KCNMA1: variants seen among roughly 807,000 people sequenced by gnomAD.
KCNMA1 encodes the protein potassium calcium-activated channel subfamily M alpha 1.
In KCNMA1, 29 loss-of-function variants were observed where a neutral mutation model predicts 140.0. The ratio of observed to expected loss-of-function variants is 0.21; its 90% CI spans 0.15 to 0.28. The LOEUF (loss-of-function observed/expected upper bound fraction) is 0.28, where lower values mean the gene tolerates loss of function less well. Among genes scored for constraint, KCNMA1 ranks in the 10% least tolerant of loss-of-function variants. The pLI is 1.00. For synonymous variants in KCNMA1, 612 were observed against 611.9 expected, an observed-to-expected ratio of 1.00 and a Z score of 0.00; for missense variants, 880 against 1,602.2, an observed-to-expected ratio of 0.55 and a Z score of 7.70.
chr10:77,361,334 G>A (rs185589348), intron 2 of KCNMA1, among the ~76,000 whole-genome samples: 2 of 152,322 alleles, frequency 1.3e-5, no homozygotes, highest in East Asian at 3.9e-4. Context: ...TTTTGCTCCA[G>A]CAACAGAAAT....
At chr10:76,890,200 C>T (rs1376651655) in intron 26 of KCNMA1, among the ~76,000 whole-genome samples, 3 of 152,160 alleles carry the variant, frequency 2.0e-5, no homozygotes, top group Admixed American at 6.5e-5. Flanking sequence ...CAGTTCACAG[C>T]CACCTTCCCG....
chr10:77,073,626 T>A (rs968269994), intron 13 of KCNMA1, among the ~76,000 whole-genome samples: 2 of 152,190 alleles, frequency 1.3e-5, no homozygotes, highest in Admixed American at 6.5e-5. Flanking sequence ...ATATTTTCAG[T>A]TTCTTTTTTA....
chr10:77,019,156 T>A (rs2092536041), intron 16 of KCNMA1, 57 bp from the exon 17 acceptor site: 1 of 963,846 alleles, frequency 1.0e-6, no homozygotes, highest in Non-Finnish European at 1.7e-6. Context: ...ATGTTCTGAA[T>A]AAAACCTTGA....
intron 1 of KCNMA1, among the ~76,000 whole-genome samples, chr10:77,421,057 C>T (rs2096856234): frequency 6.6e-6 from 1 of 152,248 alleles, no homozygotes. Flanking sequence ...GTCGAAGATG[C>T]TCTGGCACAT....
intron 18 of KCNMA1, chr10:77,008,269 T>C (rs907502498): frequency 7.0e-7 from 1 of 1,435,070 alleles, no homozygotes; most frequent in Non-Finnish European, 9.4e-7. Context: ...ATCAAAGATA[T>C]GTCAATGATT....
In KCNMA1 at chr10:77,477,040, G is replaced by A. The variant is rs77691500; in HGVS notation, c.379-73017C>T. Reference sequence around the variant, plus strand: ...AAAACCAGCAAGAGAACTGGCATCTGAAGGCAGGACACCTGGATTCCAGGA... The same window carrying A: ...AAAACCAGCAAGAGAACTGGCATCTAAAGGCAGGACACCTGGATTCCAGGA... On this transcript the variant is annotated intron_variant, in intron 1 of 27. Transcript: ENST00000286628. 4.9e-3 allele frequency among the ~76,000 whole-genome samples: 752 copies of A among 152,318 alleles called. 32 individuals carry two copies. The East Asian group carries it at 0.11, about 22-fold the overall frequency.
intron 16 of KCNMA1, chr10:77,019,358 C>A: frequency 2.0e-6 from 1 of 488,958 alleles, no homozygotes; most frequent in Non-Finnish European, 3.7e-6. Context: ...GTATTAGGGC[C>A]TGGGTTTATA....
intron 2 of KCNMA1, chr10:77,304,507 T>G (rs1413877373): frequency 6.6e-6 from 1 of 152,226 alleles, no homozygotes; most frequent in Non-Finnish European, 1.5e-5. Context: ...GACAGCCCAC[T>G]GAAGGAGGAC....
At chr10:77,232,358 A>G (rs73282139) in intron 3 of KCNMA1, among the ~76,000 whole-genome samples, 3,442 of 152,314 alleles carry the variant, frequency 0.023, 61 homozygotes, top group Middle Eastern at 0.099. Flanking sequence ...CTACAGCACC[A>G]TTCTACATCA....
intron 2 of KCNMA1, among the ~76,000 whole-genome samples, chr10:77,287,852 T>C (rs2071596722): frequency 6.6e-6 from 1 of 152,244 alleles, no homozygotes; most frequent in South Asian, 2.1e-4. Flanking sequence ...ACAGAGTTAC[T>C]GCTGCCTTAT....
At chr10:76,873,398 G>T (rs1002106644), downstream of KCNMA1, 5 of 152,008 alleles carry the variant, frequency 3.3e-5, no homozygotes, top group Non-Finnish European at 7.4e-5. Context: ...CAAATGACCT[G>T]GGATTTATAT....
intron 2 of KCNMA1, among the ~76,000 whole-genome samples, chr10:77,345,977 A>G (rs1433238368): frequency 6.6e-6 from 1 of 152,256 alleles, no homozygotes; most frequent in Non-Finnish European, 1.5e-5. Context: ...TCTCAGACAC[A>G]TTCATATACT....
chr10:77,344,266 C>A (rs2091665359), intron 2 of KCNMA1, among the ~76,000 whole-genome samples: 1 of 152,174 alleles, frequency 6.6e-6, no homozygotes, highest in Non-Finnish European at 1.5e-5. Context: ...CCCAGCCAGG[C>A]TGAGTAGAAA....
intron 1 of KCNMA1, among the ~76,000 whole-genome samples, chr10:77,409,005 A>G (rs2096559309): frequency 6.6e-6 from 1 of 152,186 alleles, no homozygotes; most frequent in Admixed American, 6.5e-5. Context: ...GAGTGGCCAC[A>G]GTCCCCTCCC....
chr10:76,904,226 A>G (rs2152266913), intron 25 of KCNMA1: 1 of 152,372 alleles, frequency 6.6e-6, no homozygotes, highest in South Asian at 2.1e-4. Context: ...ACCAGAAGCT[A>G]CAAGTCCTAA....
At chr10:77,411,303 G>A (rs2096613351) in intron 1 of KCNMA1, among the ~76,000 whole-genome samples, 1 of 152,076 alleles carries the variant, frequency 6.6e-6, no homozygotes, top group Admixed American at 6.5e-5. Flanking sequence ...GGAAGGAGTG[G>A]GGGAAGGAGG....
intron 1 of KCNMA1, among the ~76,000 whole-genome samples, chr10:77,465,402 G>T (rs1222274295): frequency 2.0e-5 from 3 of 152,174 alleles, no homozygotes; most frequent in Non-Finnish European, 4.4e-5. Flanking sequence ...TCCTGGGGCT[G>T]CTGGGCTTTT....
chr10:76,869,616 T>C (rs2030804632), exon 28 of KCNMA1: 2 of 152,486 alleles, frequency 1.3e-5, no homozygotes, highest in African/African-American at 2.4e-5. Flanking sequence ...AGAACACAAA[T>C]ACATAAATTT....
chr10:77,474,723 G>T (rs1438236721), intron 1 of KCNMA1, among the ~76,000 whole-genome samples: 1 of 152,122 alleles, frequency 6.6e-6, no homozygotes, highest in Middle Eastern at 3.2e-3. Flanking sequence ...ATGACTCCCT[G>T]AGAGAATGTA....
Sources: gnomAD v4.1 joint callset for allele counts (sites outside exome capture counted in the v4.1 genomes callset) on GRCh38, gnomAD v4.1.1 for gene constraint, MANE v1.5 for transcripts, NCBI Gene and HGNC (gene_info 2026-07-23, HGNC 2026-07-21) for gene names.